Variants in KIF1B observed in about 807,000 individuals in gnomAD.
The protein encoded by KIF1B is kinesin family member 1B.
A neutral mutation model predicts 241.9 loss-of-function variants in KIF1B; 76 were observed. That is an observed-to-expected ratio of 0.31 (90% CI 0.26 to 0.38). The LOEUF (loss-of-function observed/expected upper bound fraction) is 0.38. Ranked by LOEUF, KIF1B falls within the 10% of genes least tolerant of loss-of-function variation. The probability of loss-of-function intolerance (pLI) is 1.00; values close to 1 mark genes in which losing one functional copy is unlikely to be tolerated. For missense variants in KIF1B, 1,622 were observed against 2,271.4 expected (o/e 0.71, Z 5.81); for synonymous variants, 750 against 796.7 (o/e 0.94, Z 0.99).
chr1:10,356,279 C>T (rs1421168975), intron 38 of KIF1B, among the ~76,000 whole-genome samples: 3 of 151,914 alleles, frequency 2.0e-5, no homozygotes, highest in African/African-American at 4.8e-5. Context: ...GGCAGAGGAT[C>T]GCTTGAACCC....
intron 27 of KIF1B, among the ~76,000 whole-genome samples, chr1:10,334,075 C>T (rs558235409): frequency 3.5e-5 from 5 of 143,630 alleles, no homozygotes; most frequent in Non-Finnish European, 6.0e-5. Flanking sequence ...CACTTGAACC[C>T]GGGAGCCGGA....
At chr1:10,355,272 A>G (rs549956092) in intron 38 of KIF1B, 1 of 152,418 alleles carries the variant, frequency 6.6e-6, no homozygotes, top group African/African-American at 2.4e-5. Flanking sequence ...CTTATCAGCA[A>G]ATTTTGTCTT....
intron 3 of KIF1B, 47 bp from the exon 4 acceptor site, chr1:10,258,446 A>C: frequency 1.3e-6 from 2 of 1,575,592 alleles, no homozygotes; most frequent in Non-Finnish European, 1.7e-6. Context: ...AAGTATAGGA[A>C]GAAATATTAA....
At chr1:10,241,408 G>T (rs1647135296) in intron 2 of KIF1B, among the ~76,000 whole-genome samples, 1 of 152,232 alleles carries the variant, frequency 6.6e-6, no homozygotes, top group South Asian at 2.1e-4. Context: ...CAAGCCTGTG[G>T]TTAGTTTTAG....
At chr1:10,224,092 C>CA (rs901653490) in intron 1 of KIF1B, among the ~76,000 whole-genome samples, 5 of 152,016 alleles carry the variant, frequency 3.3e-5, no homozygotes, top group Non-Finnish European at 2.9e-5. Context: ...AGGTGTGAGT[C>CA]AGAGTGTACA....
chr1:10,348,031 A>G (rs757589159), intron 36 of KIF1B, among the ~76,000 whole-genome samples: 7 of 147,682 alleles, frequency 4.7e-5, no homozygotes, highest in Non-Finnish European at 9.0e-5. Context: ...CCTTGCTTTT[A>G]TATGTATTTA....
chr1:10,234,984 G>A (rs901022448), intron 2 of KIF1B, among the ~76,000 whole-genome samples: 1 of 151,740 alleles, frequency 6.6e-6, no homozygotes, highest in Non-Finnish European at 1.5e-5. Flanking sequence ...CTGCCTCTCG[G>A]GTTCAAGCGA....
At chr1:10,367,170 A>C (rs1292847101) in intron 43 of KIF1B, among the ~76,000 whole-genome samples, 1 of 151,436 alleles carries the variant, frequency 6.6e-6, no homozygotes, top group Non-Finnish European at 1.5e-5. Flanking sequence ...ATCTTGGCTC[A>C]CTGCAACCTC....
chr1:10,262,394 G>A (rs991422335), intron 5 of KIF1B, among the ~76,000 whole-genome samples: 3 of 152,086 alleles, frequency 2.0e-5, no homozygotes, highest in African/African-American at 7.2e-5. Flanking sequence ...AAGCAATCTT[G>A]CCTCCTCCAC....
chr1:10,227,293 A>G (rs917607779), intron 1 of KIF1B, among the ~76,000 whole-genome samples: 3 of 152,038 alleles, frequency 2.0e-5, no homozygotes, highest in African/African-American at 7.2e-5. Flanking sequence ...TCAGCCTCCC[A>G]AAGTGCCAGG....
chr1:10,326,309 C>T lies in KIF1B; in HGVS notation c.2874C>T (p.Asp958=), dbSNP rs150831576. The T allele has an allele frequency of 7.6e-4, 1,222 of 1,614,130 alleles. 11 individuals carry two copies. The East Asian group carries it at 0.02, about 26-fold the overall frequency. The change falls in exon 27 of 49, where the codon GAC becomes GAT. Residue 958 remains aspartate, a synonymous_variant. Coordinates refer to ENST00000676179, the MANE Select transcript of KIF1B (RefSeq NM_001365951.3). This position sits in a 1 kb window ranked among gnomAD's most constrained non-coding sequence, Gnocchi z 5.2. ...GTEEGSDLFS[D]GHDPFYDRSP... is the part of the protein sequence containing the mutation. ...AGGAGGGATCAGATCTCTTCAGTGA[C>T]GGGCATGACCCGTTTTACGACCGAT...
At chr1:10,268,698 T>G (rs1249724497) in intron 7 of KIF1B, among the ~76,000 whole-genome samples, 1 of 151,916 alleles carries the variant, frequency 6.6e-6, no homozygotes, top group Non-Finnish European at 1.5e-5. Context: ...TATGTTTCAT[T>G]CCTGGAAAAT....
Position 10,321,736 on chromosome 1 carries a change from T to G in KIF1B, c.2237T>G (p.Leu746Trp). 1 of 1,614,228 alleles carries G rather than the reference T, an allele frequency of 6.2e-7. No individual in the cohort carries two copies. Among genetic ancestry groups the G allele is most frequent in the Non-Finnish European group, 8.5e-7 (1 of 1,180,004 alleles). The part of the protein sequence containing the change: ...EVPWTQHEFE[L>W]AQWAFRKWKS... ...CCTTGGACACAGCATGAATTTGAGTTGGCCCAATGGGCCTTCCGGAAATGG... is the reference window on the plus strand; with the variant it reads ...CCTTGGACACAGCATGAATTTGAGTGGGCCCAATGGGCCTTCCGGAAATGG... Residue 746 changes from leucine (L) to tryptophan (W), a missense_variant, in exon 24 of 49, where the codon TTG (leucine) becomes TGG (tryptophan). This residue lies in a region of KIF1B where 803 missense variants were observed against 1,112.0 expected (regional missense o/e 0.72). Transcript: ENST00000676179.
intron 2 of KIF1B, among the ~76,000 whole-genome samples, chr1:10,236,042 G>A (rs889991593): frequency 2.2e-4 from 34 of 152,084 alleles, no homozygotes; most frequent in Admixed American, 5.2e-4. Context: ...GGAGGCTGAC[G>A]CGGATGGATC....
rs139398553 is a variant in KIF1B, at chr1:10,339,261, A to G, written c.3423-508A>G. Among the ~76,000 whole-genome samples the G allele has an allele frequency of 2.6e-5, 4 of 152,242 alleles. No homozygotes were observed. The East Asian group carries it at 7.7e-4, about 29-fold the overall frequency. Reference sequence around the variant, plus strand: ...ACATTATTACAGTGAAATCATTGCTATTAAGGAAAAAAACATTACTAGTAA... The same window carrying G: ...ACATTATTACAGTGAAATCATTGCTGTTAAGGAAAAAAACATTACTAGTAA... On this transcript the variant is annotated intron_variant, in intron 31 of 48. Coordinates refer to ENST00000676179, the MANE Select transcript of KIF1B (RefSeq NM_001365951.3).
In KIF1B at chr1:10,303,765, G is replaced by A. The variant is rs755578632; in HGVS notation, c.2115+6519G>A. 9.7e-5 allele frequency: 156 copies of A among 1,614,046 alleles called. 2 individuals carry two copies. Among genetic ancestry groups the A allele is most frequent in the African/African-American group, 1.3e-5 (1 of 74,936 alleles). The stretch of plus-strand genomic sequence containing the variant: ...TCAAAATGGAAAAAGTCTTGCCACT[G>A]ATCGGATCTCAGGAACAGAAAAGCC... On this transcript the variant is annotated intron_variant, in intron 22 of 48. Coordinates refer to ENST00000676179, the MANE Select transcript of KIF1B (RefSeq NM_001365951.3). The surrounding 1 kb of genome is among the most constrained non-coding windows in gnomAD (Gnocchi z 5.2).
At chr1:10,252,720 A>G (rs1452881253) in intron 2 of KIF1B, among the ~76,000 whole-genome samples, 2 of 131,714 alleles carry the variant, frequency 1.5e-5, no homozygotes, top group African/African-American at 5.5e-5. Context: ...TCATAAAGAC[A>G]GTTTTTTTTT....
chr1:10,242,117 T>C (rs938980707), intron 2 of KIF1B, among the ~76,000 whole-genome samples: 1 of 152,166 alleles, frequency 6.6e-6, no homozygotes, highest in Admixed American at 6.5e-5. Flanking sequence ...TGAGAGCACC[T>C]ATAGGAAATT....
At chr1:10,375,809 T>A (rs1638869900) in intron 48 of KIF1B, among the ~76,000 whole-genome samples, 2 of 113,980 alleles carry the variant, frequency 1.8e-5, no homozygotes, top group South Asian at 5.4e-4. Context: ...TTTTTTTTTT[T>A]TGAGATGGAG....
Sources: allele counts gnomAD v4.1 joint callset (sites outside exome capture counted in the v4.1 genomes callset), GRCh38; gene constraint gnomAD v4.1.1; regional missense constraint gnomAD v4.1.1; non-coding constraint Gnocchi (gnomAD v3.1); transcripts MANE v1.5; gene names NCBI Gene and HGNC (gene_info 2026-07-23, HGNC 2026-07-21).